Variants in VEPH1 observed in about 807,000 individuals in gnomAD.
The protein encoded by VEPH1 is ventricular zone expressed PH domain containing 1.
VEPH1 carries 80 observed loss-of-function variants against 85.2 expected under a neutral mutation model. The ratio of observed to expected loss-of-function variants is 0.94; its 90% CI spans 0.78 to 1.13. The LOEUF (loss-of-function observed/expected upper bound fraction) is 1.13. VEPH1 is among the 50% of genes most tolerant of loss of function. VEPH1 has a pLI of 0.00. For missense variants in VEPH1, 955 were observed against 980.5 expected (o/e 0.97, Z 0.35); for synonymous variants, 297 against 348.0 (o/e 0.85, Z 1.63).
chr3:157,362,319 C>T (rs1049760888), intron 9 of VEPH1, among the ~76,000 whole-genome samples: 3 of 152,332 alleles, frequency 2.0e-5, no homozygotes, highest in Non-Finnish European at 4.4e-5. Flanking sequence ...GCATGAGCCA[C>T]TGCGCCCAGC....
At chr3:157,492,694 C>T (rs568826921) in intron 2 of VEPH1, among the ~76,000 whole-genome samples, 1 of 152,252 alleles carries the variant, frequency 6.6e-6, no homozygotes, top group East Asian at 1.9e-4. Flanking sequence ...TCTGGCTAAG[C>T]AGAGGAACAT....
chr3:157,261,699 A>G (rs1712926930), intron 13 of VEPH1, among the ~76,000 whole-genome samples: 1 of 152,170 alleles, frequency 6.6e-6, no homozygotes, highest in Non-Finnish European at 1.5e-5. Context: ...TTGGAGTGCT[A>G]TTAACTTATA....
At chr3:157,458,065 A>G (rs1735527601) in intron 4 of VEPH1, among the ~76,000 whole-genome samples, 2 of 152,102 alleles carry the variant, frequency 1.3e-5, no homozygotes, top group African/African-American at 4.8e-5. Context: ...CTGTTCAGGG[A>G]TTCAATTTCT....
chr3:157,323,899 A>G (rs1210601192), intron 9 of VEPH1, among the ~76,000 whole-genome samples: 1 of 152,208 alleles, frequency 6.6e-6, no homozygotes, highest in East Asian at 1.9e-4. Flanking sequence ...GATTACTTTC[A>G]TATTGAGAAG....
chr3:157,463,821 A>G (rs1163096651), intron 3 of VEPH1, among the ~76,000 whole-genome samples: 1 of 152,188 alleles, frequency 6.6e-6, no homozygotes, highest in Admixed American at 6.5e-5. Context: ...ACAGATTAGA[A>G]ACTAGAGTGT....
chr3:157,450,412 T>C (rs1734877556), intron 4 of VEPH1, among the ~76,000 whole-genome samples: 1 of 152,070 alleles, frequency 6.6e-6, no homozygotes, highest in Non-Finnish European at 1.5e-5. Flanking sequence ...GAGATAATGA[T>C]TGTTTTGACC....
intron 5 of VEPH1, among the ~76,000 whole-genome samples, chr3:157,424,159 A>G (rs1048639224): frequency 6.6e-6 from 1 of 152,202 alleles, no homozygotes; most frequent in Admixed American, 6.5e-5. Flanking sequence ...ATGGTAGAGA[A>G]TAAGTCTCAC....
chr3:157,502,617 A>G (rs1740202109), intron 1 of VEPH1, among the ~76,000 whole-genome samples: 1 of 152,174 alleles, frequency 6.6e-6, no homozygotes, highest in African/African-American at 2.4e-5. Flanking sequence ...TGTACCAAAT[A>G]TCTATATGAC....
At chr3:157,443,136 A>C in intron 4 of VEPH1, 1 of 833,876 alleles carries the variant, frequency 1.2e-6, no homozygotes, top group Non-Finnish European at 1.8e-6. Flanking sequence ...CAAATACTGA[A>C]TAAACAGTTG....
intron 5 of VEPH1, among the ~76,000 whole-genome samples, chr3:157,421,167 G>A (rs1732305670): frequency 6.6e-6 from 1 of 152,226 alleles, no homozygotes; most frequent in Non-Finnish European, 1.5e-5. Context: ...ACATCGTGGA[G>A]CTCACAGATA....
chr3:157,364,963 A>G (rs1417311127), intron 7 of VEPH1, among the ~76,000 whole-genome samples: 4 of 152,244 alleles, frequency 2.6e-5, no homozygotes, highest in African/African-American at 9.6e-5. Flanking sequence ...AAAAATCAGT[A>G]TAACTCTTAT....
intron 11 of VEPH1, among the ~76,000 whole-genome samples, chr3:157,287,909 T>G (rs1363399283): frequency 6.6e-6 from 1 of 152,230 alleles, no homozygotes; most frequent in East Asian, 1.9e-4. Flanking sequence ...TATTTACCAA[T>G]AAATTAGTTA....
chr3:157,302,456 T>C (rs1718912105), intron 11 of VEPH1, among the ~76,000 whole-genome samples: 1 of 152,140 alleles, frequency 6.6e-6, no homozygotes, highest in South Asian at 2.1e-4. Context: ...GTCTTGGGGA[T>C]GGAGTCCTCA....
rs756470104 is a variant in VEPH1, at chr3:157,470,487, A to G, written c.181T>C (p.Cys61Arg). Residue 61 changes from cysteine (C) to arginine (R), a missense_variant, in exon 3 of 14, where the codon TGT becomes CGT. By Grantham distance (180) the Cys-to-Arg change is radical. Coordinates refer to ENST00000362010, the MANE Select transcript of VEPH1 (RefSeq NM_001167912.2). ...ATGGCTGTTGTGATTCTTGTGATAC[A>G]GATTTCAACTACTGCCTGGTCATTG... ...NNNDQAVVEI[C>R]ITRITTAIRE... is the part of the protein sequence containing the mutation. 2.5e-6 allele frequency: 4 copies of G among 1,614,214 alleles called. No individual in the cohort carries two copies. In the South Asian group the frequency reaches 4.4e-5, roughly 18 times the overall value.
chr3:157,477,190 A>ATTT (rs35842236), intron 2 of VEPH1, among the ~76,000 whole-genome samples: 8 of 143,164 alleles, frequency 5.6e-5, no homozygotes, highest in African/African-American at 1.5e-4. Flanking sequence ...CTCTGAGGGC[A>ATTT]TTTTTTTTTT....
intron 2 of VEPH1, 61 bp downstream of exon 2, chr3:157,495,151 C>T: frequency 6.5e-6 from 10 of 1,527,698 alleles, no homozygotes; most frequent in Admixed American, 1.9e-5. Context: ...AGGATATAAA[C>T]AAATCTCTAG....
intron 6 of VEPH1, among the ~76,000 whole-genome samples, chr3:157,401,123 A>G (rs909822749): frequency 1.3e-5 from 2 of 152,146 alleles, no homozygotes; most frequent in Non-Finnish European, 2.9e-5. Flanking sequence ...TTAATTACAC[A>G]ATATCTGTTT....
chr3:157,404,427 T>G (rs1448524329), intron 6 of VEPH1, among the ~76,000 whole-genome samples: 1 of 152,188 alleles, frequency 6.6e-6, no homozygotes, highest in Non-Finnish European at 1.5e-5. Context: ...CAGATTGCAA[T>G]GGCTTGGGAA....
chr3:157,468,098 T>C (rs1413820567), intron 3 of VEPH1, among the ~76,000 whole-genome samples: 2 of 152,218 alleles, frequency 1.3e-5, no homozygotes, highest in African/African-American at 4.8e-5. Flanking sequence ...TCTGTACTTT[T>C]GCACAAGCTG....
Sources: allele counts gnomAD v4.1 joint callset (sites outside exome capture counted in the v4.1 genomes callset), GRCh38; gene constraint gnomAD v4.1.1; transcripts MANE v1.5; gene names NCBI Gene and HGNC (gene_info 2026-07-23, HGNC 2026-07-21).